Variants in MEGF11 observed in about 807,000 individuals in gnomAD.
MEGF11 encodes multiple EGF like domains 11.
Under a neutral mutation model 146.6 loss-of-function variants are expected in MEGF11, and 126 were observed. The observed-to-expected ratio is 0.86, with a 90% CI of 0.74 to 1.00. The LOEUF is 1.00. MEGF11 is among the 50% of genes least tolerant of loss of function. The pLI, the probability that MEGF11 is intolerant of heterozygous loss-of-function variation, is 0.00. For missense variants in MEGF11, 1,509 were observed against 1,521.2 expected (o/e 0.99, Z 0.13); for synonymous variants, 532 against 583.4 (o/e 0.91, Z 1.27).
intron 1 of MEGF11, among the ~76,000 whole-genome samples, chr15:66,131,967 G>C (rs2088664463): frequency 6.6e-6 from 1 of 152,196 alleles, no homozygotes; most frequent in Admixed American, 6.5e-5. Flanking sequence ...TGTCCTGAGA[G>C]TCTGCATGCA....
intron 21 of MEGF11, 118 bp downstream of exon 21, chr15:65,911,964 G>A (rs1596823739): frequency 1.5e-5 from 7 of 459,530 alleles, no homozygotes; most frequent in East Asian, 1.4e-4. Context: ...TAATGTATTG[G>A]TGGTCAGTTC....
intron 1 of MEGF11, among the ~76,000 whole-genome samples, chr15:66,146,744 G>A (rs370432458): frequency 1.3e-5 from 2 of 152,244 alleles, no homozygotes; most frequent in Non-Finnish European, 2.9e-5. Context: ...ATCAGTCCAC[G>A]GAGGCACACG....
chr15:65,917,171 C>T (rs781242148), intron 16 of MEGF11, among the ~76,000 whole-genome samples: 58 of 152,288 alleles, frequency 3.8e-4, no homozygotes, highest in Non-Finnish European at 6.6e-4. Flanking sequence ...GATTCTCTGC[C>T]CACTCTCCAA....
chr15:66,234,768 T>G (rs184336492), intron 1 of MEGF11, among the ~76,000 whole-genome samples: 5 of 152,354 alleles, frequency 3.3e-5, no homozygotes, highest in Admixed American at 1.3e-4. Context: ...AAATCTCCAG[T>G]TTATTAATCC....
At position 65,928,510 on chromosome 15, in the gene MEGF11, C is replaced by A. The variant is rs774121074; in HGVS notation, c.1590G>T (p.Leu530=). 1 of 1,603,304 alleles carries A rather than the reference C, an allele frequency of 6.2e-7. No homozygotes were observed. Among genetic ancestry groups the A allele is most frequent in the Non-Finnish European group, 8.5e-7 (1 of 1,173,426 alleles). Residue 530 remains leucine, a synonymous_variant, in exon 13 of 26, where the codon CTG becomes CTT. Transcript: ENST00000395614. The stretch of plus-strand genomic sequence containing the variant: ...TGCAGTCACAGTGTTCACTGCAGTT[C>A]AGCCCAAATGTGCCATCCTGTGGAG... ...ELPCPDGTFG[L]NCSEHCDCSH...
At chr15:66,105,236 C>A (rs1045301762) in intron 4 of MEGF11, among the ~76,000 whole-genome samples, 1 of 152,112 alleles carries the variant, frequency 6.6e-6, no homozygotes, top group Non-Finnish European at 1.5e-5. Context: ...CTCCTTGATT[C>A]TAGGGTCCAG....
At chr15:66,019,197 A>T (rs1354543228) in intron 5 of MEGF11, among the ~76,000 whole-genome samples, 1 of 151,998 alleles carries the variant, frequency 6.6e-6, no homozygotes, top group African/African-American at 2.4e-5. Context: ...TGACCTCCTG[A>T]CCCTTCCCTT....
At chr15:65,979,859 T>C (rs766819133) in intron 7 of MEGF11, among the ~76,000 whole-genome samples, 15 of 152,112 alleles carry the variant, frequency 9.9e-5, no homozygotes, top group Non-Finnish European at 1.9e-4. Flanking sequence ...AGGGGAGTAA[T>C]TGAGGCTTTT....
intron 5 of MEGF11, among the ~76,000 whole-genome samples, chr15:66,016,692 T>A (rs982005158): frequency 6.6e-6 from 1 of 152,230 alleles, no homozygotes; most frequent in African/African-American, 2.4e-5. Context: ...AAAGGCCTTA[T>A]AAGAGTGTCT....
Position 65,905,978 on chromosome 15 carries a change from G to C in MEGF11, c.3055+107C>G, listed in dbSNP as rs2078615084. Reference sequence around the variant, plus strand: ...TGTGGTCTTTTAACCTTCTGTGGGGGGCAGGCACACACAGTTTGTCTCAAG... The same window carrying C: ...TGTGGTCTTTTAACCTTCTGTGGGGCGCAGGCACACACAGTTTGTCTCAAG... On this transcript the variant is annotated intron_variant, in intron 24 of 25. Transcript: ENST00000395614. 1.1e-5 allele frequency: 10 copies of C among 888,116 alleles called. No individual in the cohort carries two copies. In the South Asian group the frequency reaches 1.3e-4, roughly 12 times the overall value. 55.0% of individuals were successfully genotyped at this position (888,116 alleles called of 1,614,324 possible).
chr15:66,063,681 C>G (rs1244272344), intron 5 of MEGF11, among the ~76,000 whole-genome samples: 2 of 152,172 alleles, frequency 1.3e-5, no homozygotes. Flanking sequence ...TTTCAGGGAG[C>G]CTTTCTTGAT....
rs57896370 is a variant in MEGF11, at chr15:66,094,301, C to T, written c.394+101G>A. On this transcript the variant is annotated intron_variant, in intron 5 of 25. Transcript: ENST00000395614. Reference sequence around the variant, plus strand: ...CAGGCCCAGGTAGCCCACCCCAAGTCGCCCCAGCACAACACAAAAATGTAG... The same window carrying T: ...CAGGCCCAGGTAGCCCACCCCAAGTTGCCCCAGCACAACACAAAAATGTAG... 3.7e-4 allele frequency: 341 copies of T among 927,234 alleles called. No homozygotes were observed. The African/African-American group carries it at 5.0e-3, about 14-fold the overall frequency. The allele number at this position is 927,234 out of a possible 1,614,324, so 57.4% of individuals were successfully genotyped here.
chr15:65,929,698 C>T (rs777757182), intron 12 of MEGF11, 22 bp downstream of exon 12: 3 of 1,544,344 alleles, frequency 1.9e-6, no homozygotes, highest in Non-Finnish European at 2.6e-6. Context: ...CCCAACCTGT[C>T]CCTCCCCACC....
At chr15:66,201,975 A>C (rs1054878038) in intron 1 of MEGF11, among the ~76,000 whole-genome samples, 4 of 141,204 alleles carry the variant, frequency 2.8e-5, no homozygotes, top group Admixed American at 1.4e-4. Context: ...AAAAAAAAAA[A>C]CCTGCCTCCA....
chr15:66,201,347 C>T (rs1026670), intron 1 of MEGF11, among the ~76,000 whole-genome samples: 44,190 of 151,882 alleles, frequency 0.29, 6,886 homozygotes, highest in East Asian at 0.59. Context: ...GAGGCTGTTT[C>T]GAGGCTGCAG....
Position 65,917,983 on chromosome 15 carries a change from C to T in MEGF11, c.2069G>A (p.Gly690Asp). The change falls in exon 16 of 26, where the codon GGC becomes GAC. Residue 690 changes from glycine (G) to aspartate (D), a missense_variant. Coordinates refer to ENST00000395614, the MANE Select transcript of MEGF11 (RefSeq NM_001385028.1). ...GSCQCFPGWIGKDCSQACPPG... is the reference protein window; with the variant it reads ...GSCQCFPGWIDKDCSQACPPG... ...CAGCTTACCCTGTGAGCAGTCCTTG[C>T]CAATCCATCCAGGAAAGCACTGGCA... is the stretch of plus-strand genomic sequence containing the variant. 1 of 1,614,008 alleles carries T rather than the reference C, an allele frequency of 6.2e-7. No homozygotes were observed. The highest frequency in any genetic ancestry group is 8.5e-7 in the Non-Finnish European group (1 of 1,179,886).
chr15:65,958,872 C>T (rs908355779), intron 9 of MEGF11, among the ~76,000 whole-genome samples: 2 of 152,192 alleles, frequency 1.3e-5, no homozygotes, highest in Non-Finnish European at 2.9e-5. Context: ...AGAGACAAGC[C>T]TTTTAGATTC....
At chr15:66,014,675 C>T (rs74769139) in intron 5 of MEGF11, among the ~76,000 whole-genome samples, 12,572 of 152,230 alleles carry the variant, frequency 0.083, 1,066 homozygotes, top group East Asian at 0.48. Flanking sequence ...ACTCCCACCC[C>T]ACCCCACCAT....
intron 4 of MEGF11, among the ~76,000 whole-genome samples, chr15:66,118,051 C>G (rs1224418557): frequency 6.6e-6 from 1 of 152,276 alleles, no homozygotes; most frequent in Middle Eastern, 3.4e-3. Context: ...TCTACCCACT[C>G]GAATGGCAAA....
Sources: allele counts gnomAD v4.1 joint callset (sites outside exome capture counted in the v4.1 genomes callset), GRCh38; gene constraint gnomAD v4.1.1; transcripts MANE v1.5; gene names NCBI Gene and HGNC (gene_info 2026-07-23, HGNC 2026-07-21).